Variants in OLA1 observed in about 807,000 individuals in gnomAD.
OLA1 encodes Obg like ATPase 1.
In OLA1, 14 loss-of-function variants were observed where a neutral mutation model predicts 48.4. That is an observed-to-expected ratio of 0.29 (90% CI 0.19 to 0.45). OLA1 has a LOEUF of 0.45. Among genes scored for constraint, OLA1 ranks in the 20% least tolerant of loss-of-function variants. The pLI is 1.00. For synonymous variants in OLA1, 127 were observed against 150.4 expected, an observed-to-expected ratio of 0.84 and a Z score of 1.14; for missense variants, 325 against 467.1, an observed-to-expected ratio of 0.70 and a Z score of 2.80.
At chr2:174,093,512 CA>C (rs1306320378) in intron 7 of OLA1, among the ~76,000 whole-genome samples, 1 of 150,840 alleles carries the variant, frequency 6.6e-6, no homozygotes, top group African/African-American at 2.4e-5. Flanking sequence ...ACCAATCAAA[CA>C]CCGCCACCAC....
intron 7 of OLA1, among the ~76,000 whole-genome samples, chr2:174,084,252 TGA>T (rs1684919418): frequency 1.3e-5 from 2 of 152,332 alleles, no homozygotes; most frequent in South Asian, 4.1e-4. Flanking sequence ...AAATGAGCAC[TGA>T]GGTCTAAAGG....
chr2:174,163,828 T>C (rs9636262), intron 4 of OLA1, among the ~76,000 whole-genome samples: 59,390 of 115,516 alleles, frequency 0.51, 17,759 homozygotes, highest in East Asian at 0.95. Context: ...AAAAGTTTTT[T>C]CATTTAGAGT....
In OLA1 at chr2:174,111,455, A is replaced by G. The variant is rs77036010; in HGVS notation, c.728+11725T>C. ...TAGGTTCTCATTAGTAAATGGATAG[A>G]AATTTGCCTTCCAAGGTTGTTATGG... is the stretch of plus-strand genomic sequence containing the variant. On this transcript the variant is annotated intron_variant, in intron 7 of 10. Coordinates refer to ENST00000284719, the MANE Select transcript of OLA1 (RefSeq NM_013341.5). Among the ~76,000 whole-genome samples, 1,205 of 152,310 alleles carry G rather than the reference A, an allele frequency of 7.9e-3. 18 individuals carry two copies. The highest frequency in any genetic ancestry group is 0.027 in the African/African-American group (1,136 of 41,550).
intron 4 of OLA1, among the ~76,000 whole-genome samples, chr2:174,179,282 A>G (rs986852032): frequency 1.3e-5 from 2 of 151,904 alleles, no homozygotes; most frequent in Non-Finnish European, 3.0e-5. Flanking sequence ...ATGACTGGCT[A>G]TTAGTACAAC....
intron 4 of OLA1, among the ~76,000 whole-genome samples, chr2:174,222,792 C>G (rs1057453881): frequency 6.6e-6 from 1 of 152,258 alleles, no homozygotes. Flanking sequence ...TAATCCAGAA[C>G]AGGGAATAAA....
chr2:174,175,683 G>A (rs1187132232), intron 4 of OLA1, among the ~76,000 whole-genome samples: 1 of 151,958 alleles, frequency 6.6e-6, no homozygotes, highest in Non-Finnish European at 1.5e-5. Flanking sequence ...TAAACATACA[G>A]TTACCATACA....
chr2:174,119,813 T>C (rs2105365377), intron 7 of OLA1, among the ~76,000 whole-genome samples: 1 of 152,264 alleles, frequency 6.6e-6, no homozygotes, highest in East Asian at 1.9e-4. Context: ...CTTAAAAGAC[T>C]TTCCAAGTAT....
At chr2:174,198,435 C>T (rs750817065) in intron 4 of OLA1, among the ~76,000 whole-genome samples, 16 of 152,028 alleles carry the variant, frequency 1.1e-4, no homozygotes, top group Non-Finnish European at 1.6e-4. Context: ...TAACTTAAAG[C>T]AGGGGTTCTT....
chr2:174,247,590 C>A, intron 1 of OLA1: 1 of 1,537,806 alleles, frequency 6.5e-7, no homozygotes, highest in Non-Finnish European at 8.8e-7. Flanking sequence ...CCCTTCACAC[C>A]AAACCATTCC....
intron 3 of OLA1, among the ~76,000 whole-genome samples, chr2:174,224,153 C>T (rs2105451549): frequency 6.6e-6 from 1 of 152,244 alleles, no homozygotes; most frequent in Non-Finnish European, 1.5e-5. Flanking sequence ...CCTTTCAAAA[C>T]AATTATTCTA....
At chr2:174,246,654 C>A in intron 2 of OLA1, 61 bp downstream of exon 2, 1 of 1,123,796 alleles carries the variant, frequency 8.9e-7, no homozygotes. Context: ...GTTCCCATTT[C>A]TACAATAGGA....
intron 4 of OLA1, among the ~76,000 whole-genome samples, chr2:174,206,989 C>T (rs1261621326): frequency 1.3e-5 from 2 of 152,022 alleles, no homozygotes; most frequent in African/African-American, 4.8e-5. Context: ...TGTGTCTAGG[C>T]AAAAATGTGT....
intron 1 of OLA1, chr2:174,248,032 A>C: frequency 2.8e-6 from 1 of 362,228 alleles, no homozygotes. Flanking sequence ...CTGATCCCTG[A>C]CCCCGAGGGC....
intron 4 of OLA1, among the ~76,000 whole-genome samples, chr2:174,214,007 CAA>C (rs919454581): frequency 6.9e-6 from 1 of 143,996 alleles, no homozygotes; most frequent in Non-Finnish European, 1.5e-5. Context: ...CTACTTTCAC[CAA>C]AAAAAAAACC....
chr2:174,171,293 T>C (rs1290989524), intron 4 of OLA1, among the ~76,000 whole-genome samples: 2 of 152,200 alleles, frequency 1.3e-5, no homozygotes, highest in African/African-American at 2.4e-5. Context: ...GAAATATTTA[T>C]AGAACATTAC....
At chr2:174,160,171 C>T (rs1321680700) in intron 4 of OLA1, among the ~76,000 whole-genome samples, 1 of 152,016 alleles carries the variant, frequency 6.6e-6, no homozygotes, top group Non-Finnish European at 1.5e-5. Flanking sequence ...AGGATTAAAA[C>T]AATTTCTGAA....
chr2:174,112,946 A>T (rs1293133930), intron 7 of OLA1, among the ~76,000 whole-genome samples: 1 of 151,996 alleles, frequency 6.6e-6, no homozygotes, highest in Non-Finnish European at 1.5e-5. Context: ...AATTATTATT[A>T]TTACTATTTT....
chr2:174,115,262 C>T (rs1685754461), intron 7 of OLA1, among the ~76,000 whole-genome samples: 1 of 152,126 alleles, frequency 6.6e-6, no homozygotes, highest in Admixed American at 6.6e-5. Flanking sequence ...TAAAGTTCAA[C>T]CTATTTCTTT....
At chr2:174,210,779 A>G (rs6747866) in intron 4 of OLA1, among the ~76,000 whole-genome samples, 80,632 of 152,032 alleles carry the variant, frequency 0.53, 21,955 homozygotes, top group East Asian at 0.94. Context: ...ATTTTGTTTA[A>G]GTGATTCTGC....
Sources: allele counts gnomAD v4.1 joint callset (sites outside exome capture counted in the v4.1 genomes callset), GRCh38; gene constraint gnomAD v4.1.1; transcripts MANE v1.5; gene names NCBI Gene and HGNC (gene_info 2026-07-23, HGNC 2026-07-21).